IL1RAPL1: variants seen among roughly 807,000 people sequenced by gnomAD.
The protein encoded by IL1RAPL1 is interleukin-1 receptor accessory protein-like 1.
Under a neutral mutation model 48.4 loss-of-function variants are expected in IL1RAPL1, and 3 were observed. That is an observed-to-expected ratio of 0.06 (90% CI 0.03 to 0.16). The LOEUF (loss-of-function observed/expected upper bound fraction) is 0.16. IL1RAPL1 is among the 10% of genes least tolerant of loss of function. The pLI is 1.00. For synonymous variants in IL1RAPL1, 185 were observed against 187.7 expected (o/e 0.99, Z 0.12); for missense variants, 349 against 530.6 (o/e 0.66, Z 3.36).
At chrX:29,201,262 TA>T (rs1930549334) in intron 2 of IL1RAPL1, among the ~76,000 whole-genome samples, 1 of 112,146 alleles carries the variant, frequency 8.9e-6, no homozygotes, top group Admixed American at 9.5e-5. Context: ...TTTGCATAGT[TA>T]TTTCAAGTAC....
intron 5 of IL1RAPL1, among the ~76,000 whole-genome samples, chrX:29,619,788 G>GT (rs1276541593): frequency 1.8e-5 from 2 of 111,457 alleles, no homozygotes; most frequent in Non-Finnish European, 1.9e-5. Context: ...TGTGTGAGCT[G>GT]TTTTTTTGTT....
chrX:29,229,195 G>A (rs981532610), intron 2 of IL1RAPL1, among the ~76,000 whole-genome samples: 1 of 111,252 alleles, frequency 9.0e-6, no homozygotes, highest in Admixed American at 9.6e-5. Flanking sequence ...CATTGGCATC[G>A]TTTCCCTTTC....
At chrX:29,568,627 A>G (rs5927024) in intron 5 of IL1RAPL1, among the ~76,000 whole-genome samples, 182 of 111,344 alleles carry the variant, frequency 1.6e-3, no homozygotes, top group Non-Finnish European at 2.9e-3. Context: ...TGAATTCTCA[A>G]GTGGGCCTAT....
chrX:28,903,135 T>A (rs899860572), intron 2 of IL1RAPL1, among the ~76,000 whole-genome samples: 7 of 111,231 alleles, frequency 6.3e-5, no homozygotes, highest in Admixed American at 1.9e-4. Context: ...TGTTTGTTTT[T>A]TTGAGATGGA....
At chrX:29,302,717 G>A (rs186642634) in intron 3 of IL1RAPL1, among the ~76,000 whole-genome samples, 4 of 111,082 alleles carry the variant, frequency 3.6e-5, no homozygotes, top group African/African-American at 1.3e-4. Flanking sequence ...TTTGAGTTTT[G>A]GGGCGGTCAT....
At chrX:29,355,258 A>C (rs1170744714) in intron 3 of IL1RAPL1, among the ~76,000 whole-genome samples, 1 of 111,640 alleles carries the variant, frequency 9.0e-6, no homozygotes, top group Admixed American at 9.6e-5. Flanking sequence ...CCTTATACTG[A>C]AGAGGCATAT....
chrX:29,339,101 C>CACACACAA (rs1275424448), intron 3 of IL1RAPL1, among the ~76,000 whole-genome samples: 8 of 109,954 alleles, frequency 7.3e-5, no homozygotes, highest in Admixed American at 2.0e-4. Flanking sequence ...CACACACACA[C>CACACACAA]ACACACACAC....
chrX:28,856,657 A>G (rs757938309), intron 2 of IL1RAPL1, among the ~76,000 whole-genome samples: 15 of 111,214 alleles, frequency 1.3e-4, no homozygotes, highest in African/African-American at 4.9e-4. Context: ...TGATGTTATT[A>G]TGAAATTGTT....
intron 2 of IL1RAPL1, among the ~76,000 whole-genome samples, chrX:29,099,525 A>G (rs1420173958): frequency 1.8e-5 from 2 of 112,180 alleles, no homozygotes; most frequent in African/African-American, 6.5e-5. Flanking sequence ...TAGGAATCTG[A>G]AGGCAAGTTT....
At chrX:28,761,411 A>G (rs1243770824) in intron 1 of IL1RAPL1, among the ~76,000 whole-genome samples, 5 of 112,345 alleles carry the variant, frequency 4.5e-5, no homozygotes, top group African/African-American at 6.5e-5. Flanking sequence ...CTATGGAGCC[A>G]TAAAAAAGAA....
intron 2 of IL1RAPL1, among the ~76,000 whole-genome samples, chrX:29,205,088 A>C (rs1291586228): frequency 3.6e-5 from 4 of 111,599 alleles, no homozygotes; most frequent in African/African-American, 9.8e-5. Context: ...TATTTGTTCA[A>C]GTCTCTTATT....
intron 5 of IL1RAPL1, among the ~76,000 whole-genome samples, chrX:29,484,008 A>T (rs199612820): frequency 0.41 from 42,197 of 103,610 alleles, 6,854 homozygotes; most frequent in East Asian, 0.69. Flanking sequence ...GTCCATTAAA[A>T]AAAAAAAAAA....
At chrX:29,733,501 A>C (rs1281287256) in intron 6 of IL1RAPL1, among the ~76,000 whole-genome samples, 1 of 112,201 alleles carries the variant, frequency 8.9e-6, no homozygotes, top group African/African-American at 3.2e-5. Flanking sequence ...TGTGACCTTC[A>C]GAACTTTATG....
intron 6 of IL1RAPL1, among the ~76,000 whole-genome samples, chrX:29,881,383 G>T (rs1413347907): frequency 9.0e-6 from 1 of 111,141 alleles, no homozygotes; most frequent in South Asian, 3.8e-4. Flanking sequence ...CTGGAATTCT[G>T]CTCTGTCAGG....
At chrX:29,153,998 G>A (rs1005930369) in intron 2 of IL1RAPL1, among the ~76,000 whole-genome samples, 8 of 112,031 alleles carry the variant, frequency 7.1e-5, no homozygotes, top group Non-Finnish European at 1.3e-4. Flanking sequence ...CTTTTCTTGC[G>A]AAGTGGCTGC....
chrX:29,760,075 T>C (rs1292119695), intron 6 of IL1RAPL1, among the ~76,000 whole-genome samples: 5 of 112,013 alleles, frequency 4.5e-5, no homozygotes, highest in African/African-American at 1.6e-4. Context: ...CCTCTGAAAC[T>C]AGCAAGGAAG....
intron 1 of IL1RAPL1, among the ~76,000 whole-genome samples, chrX:28,760,783 T>C (rs1936161863): frequency 9.0e-6 from 1 of 110,887 alleles, no homozygotes; most frequent in Non-Finnish European, 1.9e-5. Flanking sequence ...AGAATAGCTA[T>C]TATTAAAAAG....
At chrX:29,492,473 ATTTC>A (rs1935169052) in intron 5 of IL1RAPL1, among the ~76,000 whole-genome samples, 1 of 111,430 alleles carries the variant, frequency 9.0e-6, no homozygotes, top group Non-Finnish European at 1.9e-5. Context: ...GAAAGAATCT[ATTTC>A]TTTATCTTTG....
At position 29,602,277 on chromosome X, in the gene IL1RAPL1, G is replaced by A. The variant is rs977282771; in HGVS notation, c.704-66153G>A. Among the ~76,000 whole-genome samples, 20 of 111,363 alleles carry A rather than the reference G, an allele frequency of 1.8e-4. 1 individual carries two copies. Among genetic ancestry groups the A allele is most frequent in the South Asian group, 3.7e-4 (1 of 2,680 alleles). On this transcript the variant is annotated intron_variant, in intron 5 of 10. Transcript: ENST00000378993. ...GGATTACAGGTGCAATCCATTGCGCGTGGCCTATTCTTAATAAGAGGTTGT... is the reference window on the plus strand; with the variant it reads ...GGATTACAGGTGCAATCCATTGCGCATGGCCTATTCTTAATAAGAGGTTGT...
Sources: allele counts gnomAD v4.1 joint callset (sites outside exome capture counted in the v4.1 genomes callset), GRCh38; gene constraint gnomAD v4.1.1; transcripts MANE v1.5; gene names NCBI Gene and HGNC (gene_info 2026-07-23, HGNC 2026-07-21).